GAS6: variants seen among roughly 807,000 people sequenced by gnomAD.
GAS6 encodes the protein growth arrest specific 6, also known as growth arrest-specific protein 6.
Under a neutral mutation model 75.8 loss-of-function variants are expected in GAS6, and 41 were observed. The observed-to-expected ratio is 0.54, with a 90% CI of 0.42 to 0.70. GAS6 has a LOEUF of 0.70. Among genes scored for constraint, GAS6 ranks in the 30% least tolerant of loss-of-function variants. GAS6 has a pLI of 0.00. For synonymous variants in GAS6, 432 were observed against 412.6 expected, an observed-to-expected ratio of 1.05 and a Z score of -0.57; for missense variants, 854 against 940.2, an observed-to-expected ratio of 0.91 and a Z score of 1.20.
rs1260496558 is a variant in GAS6, at chr13:113,863,396, G to A, written c.255+179C>T. Reference sequence around the variant, plus strand: ...GCAGCGTCTCACCGGCCTGCGCGGGGATCCCGGGGTCGCCGGGGGATGGGC... The same window carrying A: ...GCAGCGTCTCACCGGCCTGCGCGGGAATCCCGGGGTCGCCGGGGGATGGGC... On this transcript the variant is annotated intron_variant, in intron 2 of 14. Transcript: ENST00000327773. The surrounding 1 kb of genome is among the most constrained non-coding windows in gnomAD (Gnocchi z 9.4). Among the ~76,000 whole-genome samples, 1 of 152,172 alleles carries A rather than the reference G, an allele frequency of 6.6e-6. No individual in the cohort carries two copies. Among genetic ancestry groups the A allele is most frequent in the East Asian group, 1.9e-4 (1 of 5,178 alleles).
chr13:113,860,138 C>G (rs551210857), intron 2 of GAS6, among the ~76,000 whole-genome samples: 1 of 152,160 alleles, frequency 6.6e-6, no homozygotes, highest in Non-Finnish European at 1.5e-5. Context: ...GAGACTGGGA[C>G]AGAGAGAGAA....
intron 4 of GAS6, chr13:113,842,286 T>G (rs1380838686): frequency 7.8e-6 from 2 of 256,328 alleles, no homozygotes; most frequent in Non-Finnish European, 1.4e-5. Context: ...AGAACACTTG[T>G]GGGTGTGGAC....
chr13:113,821,474 C>CCCT (rs1286721034), intron 14 of GAS6: 1 of 232,278 alleles, frequency 4.3e-6, no homozygotes, highest in African/African-American at 2.2e-5. Flanking sequence ...TTTCCGCTGA[C>CCCT]CCTCCCAGCT....
chr13:113,822,013 G>A lies in GAS6; in HGVS notation c.1827C>T (p.Ala609=), dbSNP rs374150220. Residue 609 remains alanine, a synonymous_variant, in exon 14 of 15, where the codon GCC becomes GCT. Transcript: ENST00000327773. The part of the protein sequence containing the change: ...VSAAQLQERL[A]VLERHLRSPV... ...GGCTCCGCAGGTGCCTCTCGAGCACGGCCAGCCTCTCCTGCAGCTGCGCGG... is the reference window on the plus strand; with the variant it reads ...GGCTCCGCAGGTGCCTCTCGAGCACAGCCAGCCTCTCCTGCAGCTGCGCGG... The A allele has an allele frequency of 2.4e-5, 37 of 1,561,054 alleles. No homozygotes were observed. The highest frequency in any genetic ancestry group is 1.1e-4 in the South Asian group (9 of 84,952).
chr13:113,860,862 G>A (rs904331205), intron 2 of GAS6, among the ~76,000 whole-genome samples: 4 of 152,158 alleles, frequency 2.6e-5, no homozygotes, highest in African/African-American at 7.2e-5. Flanking sequence ...TGGGAGGGGT[G>A]CTGGGCTTAG....
At chr13:113,834,914 G>A (rs1272762995) in intron 7 of GAS6, 3 of 403,932 alleles carry the variant, frequency 7.4e-6, no homozygotes, top group Non-Finnish European at 1.3e-5. Flanking sequence ...CCAGGAGGGT[G>A]CTCCCAACGA....
chr13:113,823,666 CCCCGGA>C, intron 12 of GAS6, 116 bp from the exon 13 acceptor site: 2 of 1,024,538 alleles, frequency 2.0e-6, no homozygotes, highest in South Asian at 3.4e-5. Flanking sequence ...GTGCAGACAG[CCCCGGA>C]TCTGGGACGT....
chr13:113,832,415 T>C lies in GAS6; in HGVS notation c.1027A>G (p.Ser343Gly). The C allele has an allele frequency of 3.1e-6, 5 of 1,611,112 alleles. No individual in the cohort carries two copies. The highest frequency in any genetic ancestry group is 4.2e-6 in the Non-Finnish European group (5 of 1,178,762). Residue 343 changes from serine to glycine, a missense_variant, in exon 10 of 15, where the codon AGC (serine) becomes GGC (glycine). Transcript: ENST00000327773. ...ILLFAGGHQDSTWIVLALRAG... is the reference protein window; with the variant it reads ...ILLFAGGHQDGTWIVLALRAG... Reference sequence around the variant, plus strand: ...CTCAGGGCCAGCACGATCCAGGTGCTGTCCTGGTGGCCTCCGGCAAAGAGG... The same window carrying C: ...CTCAGGGCCAGCACGATCCAGGTGCCGTCCTGGTGGCCTCCGGCAAAGAGG...
At chr13:113,828,881 A>G (rs539185134) in intron 10 of GAS6, among the ~76,000 whole-genome samples, 170 bp from the exon 11 acceptor site, 38 of 145,786 alleles carry the variant, frequency 2.6e-4, no homozygotes, top group African/African-American at 9.2e-4. Flanking sequence ...AGACCACCTG[A>G]TCCTCCCCTG....
rs1463676194 is a variant in GAS6, at chr13:113,828,667, G to A, written c.1188C>T (p.Asn396=). 8 of 1,613,486 alleles carry A rather than the reference G, an allele frequency of 5.0e-6. No homozygotes were observed. The highest frequency in any genetic ancestry group is 1.3e-5 in the African/African-American group (1 of 74,946). The change falls in exon 11 of 15, where the codon AAC becomes AAT. Residue 396 remains asparagine, a synonymous_variant. Coordinates refer to ENST00000327773, the MANE Select transcript of GAS6 (RefSeq NM_000820.4). ...CCGCGATTTTCATGACAGCATCCCT[G>A]TTGACCTTGATGACCAGATTCCGCG... The part of the protein sequence containing the change: ...ELARNLVIKV[N]RDAVMKIAVA...
In GAS6 at chr13:113,827,017, CG is replaced by C; in HGVS notation, c.1455del (p.Phe485LeufsTer23). On this transcript the variant is annotated frameshift_variant, in exon 12 of 15. Transcript: ENST00000327773. ...ERGSFYPGSG[F>X]AFYSLDYMRT... ...TTACTGTAGTCCAGGCTGTAGAAGG[CG>C]AAGCCGCTCCCGGGGTAGAAAGAGC... 6.2e-7 allele frequency: 1 copy of C among 1,613,134 alleles called. No homozygotes were observed. Among genetic ancestry groups the C allele is most frequent in the Non-Finnish European group, 8.5e-7 (1 of 1,179,926 alleles).
In GAS6 at chr13:113,832,363, C is replaced by T. The variant is rs529145541; in HGVS notation, c.1079G>A (p.Arg360His). The part of the protein sequence containing the change: ...LRAGRLELQL[R>H]YNGVGRVTSS... ...GGTGACACGGCCGACACCGTTGTAG[C>T]GCAGCTGCAGCTCCAGCCGGCCGGC... The change falls in exon 10 of 15, where the codon CGC becomes CAC. Residue 360 changes from arginine (R) to histidine (H), a missense_variant. Coordinates refer to ENST00000327773, the MANE Select transcript of GAS6 (RefSeq NM_000820.4). The T allele has an allele frequency of 1.1e-4, 170 of 1,608,804 alleles. No homozygotes were observed. In the South Asian group the frequency reaches 1.5e-3, roughly 14 times the overall value.
intron 11 of GAS6, among the ~76,000 whole-genome samples, chr13:113,828,001 C>T (rs569010715): frequency 3.3e-5 from 5 of 152,306 alleles, no homozygotes; most frequent in East Asian, 1.9e-4. Context: ...TTCGGCCGGG[C>T]GCGGTGGCTC....
At chr13:113,838,840 GC>G (rs1232573925) in intron 5 of GAS6, among the ~76,000 whole-genome samples, 1 of 150,282 alleles carries the variant, frequency 6.7e-6, no homozygotes, top group African/African-American at 2.5e-5. Context: ...GCACAGCCCA[GC>G]CCCCGAGCAG....
At position 113,820,884 on chromosome 13, in the gene GAS6, C is replaced by G. The variant is rs77565607; in HGVS notation, c.2017G>C (p.Val673Leu). Residue 673 changes from valine (V) to leucine (L), a missense_variant, in exon 15 of 15, where the codon GTG (valine) becomes CTG (leucine). Coordinates refer to ENST00000327773, the MANE Select transcript of GAS6 (RefSeq NM_000820.4). Reference sequence around the variant, plus strand: ...GGGGCCTAGGCTGCGGCGGGCTCCACGGGGGGGCAGGAGTGGGCCGTGATG... The same window carrying G: ...GGGGCCTAGGCTGCGGCGGGCTCCAGGGGGGGGCAGGAGTGGGCCGTGATG... ...SDITAHSCPP[V>L]EPAAA The G allele has an allele frequency of 2.5e-6, 4 of 1,610,804 alleles. No individual in the cohort carries two copies. The highest frequency in any genetic ancestry group is 3.4e-6 in the Non-Finnish European group (4 of 1,179,738).
intron 9 of GAS6, 71 bp from the exon 10 acceptor site, chr13:113,832,559 AC>A (rs2138631067): frequency 6.2e-7 from 1 of 1,601,482 alleles, no homozygotes; most frequent in East Asian, 2.2e-5. Context: ...TGCTGGCCGA[AC>A]CCTGGCCCGG....
chr13:113,859,396 A>C (rs2051951176), intron 2 of GAS6, among the ~76,000 whole-genome samples: 1 of 148,316 alleles, frequency 6.7e-6, no homozygotes, highest in East Asian at 2.0e-4. Flanking sequence ...GTATGTATAC[A>C]TGTCTGTTAG....
Position 113,832,573 on chromosome 13 carries a change from C to T in GAS6, c.953+61G>A, listed in dbSNP as rs1247852873. On this transcript the variant is annotated intron_variant, in intron 9 of 14. Transcript: ENST00000327773. ...CTGCTGGCCGAACCCTGGCCCGGGC[C>T]CTGTGAAGCCAGTGTCTTGGCCATT... The T allele has an allele frequency of 1.9e-6, 3 of 1,605,460 alleles. No homozygotes were observed. In the East Asian group the frequency reaches 6.7e-5, roughly 36 times the overall value.
Position 113,823,343 on chromosome 13 carries a change from G to A in GAS6, c.1653+32C>T, listed in dbSNP as rs113146617. 3.6e-3 allele frequency: 5,791 copies of A among 1,586,846 alleles called. 176 individuals are homozygous for A. The African/African-American group carries it at 0.067, about 18-fold the overall frequency. On this transcript the variant is annotated intron_variant, in intron 13 of 14. Coordinates refer to ENST00000327773, the MANE Select transcript of GAS6 (RefSeq NM_000820.4). Reference sequence around the variant, plus strand: ...AGCCCACGTACCCGTGGGTCGAGCCGGTCAGGACGCCCTGGGTGGCGGAGG... The same window carrying A: ...AGCCCACGTACCCGTGGGTCGAGCCAGTCAGGACGCCCTGGGTGGCGGAGG...
Sources: allele counts gnomAD v4.1 joint callset (sites outside exome capture counted in the v4.1 genomes callset), GRCh38; gene constraint gnomAD v4.1.1; non-coding constraint Gnocchi (gnomAD v3.1); transcripts MANE v1.5; gene names NCBI Gene and HGNC (gene_info 2026-07-23, HGNC 2026-07-21).